The following IQGAP2 variants were observed in gnomAD, a reference collection of about 807,000 sequenced individuals.
IQGAP2 encodes the protein IQ motif containing GTPase activating protein 2.
Under a neutral mutation model 201.3 loss-of-function variants are expected in IQGAP2, and 173 were observed. The observed-to-expected ratio is 0.86, with a 90% CI of 0.76 to 0.98. IQGAP2 has a LOEUF of 0.98. Among genes scored for constraint, IQGAP2 ranks in the 50% least tolerant of loss-of-function variants. The pLI is 0.00. For missense variants in IQGAP2, 1,687 were observed against 1,864.8 expected (o/e 0.90, Z 1.76); for synonymous variants, 675 against 673.9 (o/e 1.00, Z -0.03).
At chr5:76,624,153 T>C (rs984661625) in intron 13 of IQGAP2, among the ~76,000 whole-genome samples, 1 of 152,194 alleles carries the variant, frequency 6.6e-6, no homozygotes, top group Non-Finnish European at 1.5e-5. Context: ...ACATAAAATT[T>C]ACTATCTTAA....
intron 2 of IQGAP2, among the ~76,000 whole-genome samples, chr5:76,467,729 C>T (rs1271413978): frequency 1.3e-5 from 2 of 152,100 alleles, no homozygotes; most frequent in Admixed American, 6.5e-5. Flanking sequence ...AAAGCAGAAA[C>T]AATCCAAATG....
chr5:76,521,700 T>C (rs1758693671), intron 2 of IQGAP2, among the ~76,000 whole-genome samples: 1 of 152,236 alleles, frequency 6.6e-6, no homozygotes, highest in Non-Finnish European at 1.5e-5. Flanking sequence ...CACACGTCAC[T>C]GTAGCATTTT....
Position 76,695,642 on chromosome 5 carries a change from A to G in IQGAP2, c.4182A>G (p.Gln1394=), listed in dbSNP as rs559298792. The change falls in exon 32 of 36, where the codon CAA becomes CAG. Residue 1394 remains glutamine, a synonymous_variant. Transcript: ENST00000274364. The part of the protein sequence containing the change: ...TGHVSSENKY[Q]DILNEIAKDI... ...ACGTGTCATCCGAAAATAAATACCA[A>G]GACATTCTCAATGAGATTGCCAAGG... is the stretch of plus-strand genomic sequence containing the variant. 9 of 1,614,026 alleles carry G rather than the reference A, an allele frequency of 5.6e-6. No individual in the cohort carries two copies. The highest frequency in any genetic ancestry group is 3.3e-5 in the South Asian group (3 of 91,064).
intron 2 of IQGAP2, among the ~76,000 whole-genome samples, chr5:76,542,254 C>T (rs1742827166): frequency 6.6e-6 from 1 of 152,242 alleles, no homozygotes; most frequent in South Asian, 2.1e-4. Flanking sequence ...GGCCACTGTG[C>T]CCGGCCACTA....
intron 2 of IQGAP2, among the ~76,000 whole-genome samples, chr5:76,483,772 A>C (rs941980919): frequency 6.6e-6 from 1 of 152,188 alleles, no homozygotes; most frequent in Non-Finnish European, 1.5e-5. Context: ...TTGTTCTCTT[A>C]TGCTAGTCCT....
intron 9 of IQGAP2, among the ~76,000 whole-genome samples, chr5:76,594,254 C>G (rs1343902162): frequency 6.6e-6 from 1 of 152,222 alleles, no homozygotes; most frequent in African/African-American, 2.4e-5. Flanking sequence ...AGTGAGACAT[C>G]TGAGGTCCAT....
chr5:76,439,433 G>A (rs891048901), intron 1 of IQGAP2, among the ~76,000 whole-genome samples: 8 of 152,184 alleles, frequency 5.3e-5, no homozygotes, highest in Non-Finnish European at 8.8e-5. Context: ...AGTGCTATCA[G>A]TGGAGTACTG....
intron 2 of IQGAP2, among the ~76,000 whole-genome samples, chr5:76,511,819 T>G (rs868094490): frequency 1.3e-5 from 2 of 151,602 alleles, no homozygotes; most frequent in Non-Finnish European, 1.5e-5. Context: ...TAGCTGGGAC[T>G]ACAGGCGCCC....
chr5:76,668,102 C>T (rs1743955543), intron 22 of IQGAP2, among the ~76,000 whole-genome samples: 2 of 151,956 alleles, frequency 1.3e-5, no homozygotes, highest in Admixed American at 1.3e-4. Context: ...AGGCTTGTCT[C>T]GAACTCCTGG....
At chr5:76,541,255 T>C (rs1742751799) in intron 2 of IQGAP2, among the ~76,000 whole-genome samples, 1 of 152,198 alleles carries the variant, frequency 6.6e-6, no homozygotes, top group Non-Finnish European at 1.5e-5. Context: ...CTACTTTAGA[T>C]ACCTCATATA....
rs945324557 is a variant in IQGAP2, at chr5:76,511,871, G to A, written c.146+50202G>A. 1.6e-4 allele frequency among the ~76,000 whole-genome samples: 25 copies of A among 151,820 alleles called. 1 individual carries two copies. Among genetic ancestry groups the A allele is most frequent in the South Asian group, 8.3e-4 (4 of 4,808 alleles). On this transcript the variant is annotated intron_variant, in intron 2 of 35. Coordinates refer to ENST00000274364, the MANE Select transcript of IQGAP2 (RefSeq NM_006633.5). ...AATTTTTTGTATTTTTAGTAGAGAC[G>A]GGGTTTCACCGTTTTAGCCAGGATG...
chr5:76,456,832 G>A (rs1754111868), intron 1 of IQGAP2, among the ~76,000 whole-genome samples: 2 of 152,240 alleles, frequency 1.3e-5, no homozygotes, highest in South Asian at 4.1e-4. Flanking sequence ...TGTAATCCCA[G>A]CACTTTGGGA....
intron 12 of IQGAP2, chr5:76,607,623 T>C (rs1478792503): frequency 1.3e-5 from 2 of 152,250 alleles, no homozygotes; most frequent in Admixed American, 1.3e-4. Context: ...CTTGGGAGTT[T>C]ATGGTTCTTG....
intron 14 of IQGAP2, among the ~76,000 whole-genome samples, chr5:76,630,341 T>C (rs1262306185): frequency 6.6e-6 from 1 of 152,206 alleles, no homozygotes; most frequent in African/African-American, 2.4e-5. Flanking sequence ...AGGACTCTTC[T>C]GGCAGCTCTC....
At chr5:76,624,878 A>C (rs1750074375) in intron 13 of IQGAP2, among the ~76,000 whole-genome samples, 1 of 152,162 alleles carries the variant, frequency 6.6e-6, no homozygotes, top group Non-Finnish European at 1.5e-5. Context: ...GTTTGAGACC[A>C]GCCTGACCAA....
At chr5:76,608,856 T>C (rs1029151180) in intron 12 of IQGAP2, 2 of 375,220 alleles carry the variant, frequency 5.3e-6, no homozygotes, top group African/African-American at 4.0e-5. Flanking sequence ...TCTGTGTAGG[T>C]TACCTCATCT....
intron 2 of IQGAP2, among the ~76,000 whole-genome samples, chr5:76,561,079 A>G (rs1744330999): frequency 6.6e-6 from 1 of 152,198 alleles, no homozygotes; most frequent in African/African-American, 2.4e-5. Context: ...GTGATGAGGA[A>G]GGGATGGGAG....
At chr5:76,695,180 T>C (rs537093878) in intron 31 of IQGAP2, among the ~76,000 whole-genome samples, 1 of 152,338 alleles carries the variant, frequency 6.6e-6, no homozygotes, top group East Asian at 1.9e-4. Context: ...GTAGCAGTTA[T>C]CCATTAAAAT....
Position 76,461,603 on chromosome 5 carries a change from A to C in IQGAP2, c.80A>C (p.Glu27Ala). 6.2e-7 allele frequency: 1 copy of C among 1,613,906 alleles called. No homozygotes were observed. The highest frequency in any genetic ancestry group is 8.5e-7 in the Non-Finnish European group (1 of 1,179,830). Residue 27 changes from glutamate (E) to alanine (A), a missense_variant, in exon 2 of 36, where the codon GAG (glutamate) becomes GCG (alanine). Physicochemically the swap from Glu to Ala is moderately radical, Grantham distance 107. Transcript: ENST00000274364. ...GACGATGAAAGGCTCTCTGCAGAGG[A>C]GATGGATGAGAGGAGGCGGCAGAAC... ...IVDDERLSAE[E>A]MDERRRQNIA...
Sources: gnomAD v4.1 joint callset for allele counts (sites outside exome capture counted in the v4.1 genomes callset) on GRCh38, gnomAD v4.1.1 for gene constraint, MANE v1.5 for transcripts, NCBI Gene and HGNC (gene_info 2026-07-23, HGNC 2026-07-21) for gene names.